SLCO5A1: variants seen among roughly 807,000 people sequenced by gnomAD.
SLCO5A1 encodes the protein solute carrier organic anion transporter family member 5A1.
In SLCO5A1, 39 loss-of-function variants were observed where a neutral mutation model predicts 65.1. The observed-to-expected ratio is 0.60, with a 90% CI of 0.46 to 0.78. The LOEUF (loss-of-function observed/expected upper bound fraction) is 0.78, where lower values mean the gene tolerates loss of function less well. Among genes scored for constraint, SLCO5A1 ranks in the 30% least tolerant of loss-of-function variants. The pLI is 0.00. For missense variants in SLCO5A1, 1,029 were observed against 1,069.4 expected (o/e 0.96, Z 0.53); for synonymous variants, 438 against 415.7 (o/e 1.05, Z -0.65).
intron 4 of SLCO5A1, among the ~76,000 whole-genome samples, chr8:69,744,804 G>A (rs1455322405): frequency 1.3e-5 from 2 of 152,198 alleles, no homozygotes; most frequent in Non-Finnish European, 2.9e-5. Flanking sequence ...CTCCTGGGGA[G>A]CAGGTTAAGA....
chr8:69,759,482 G>C (rs1333300811), intron 3 of SLCO5A1, among the ~76,000 whole-genome samples: 3 of 152,064 alleles, frequency 2.0e-5, no homozygotes, highest in South Asian at 4.1e-4. Flanking sequence ...TCCTCACAAT[G>C]ACCCTATGAT....
At chr8:69,816,681 C>T (rs1820424188) in intron 2 of SLCO5A1, among the ~76,000 whole-genome samples, 3 of 152,206 alleles carry the variant, frequency 2.0e-5, no homozygotes, top group African/African-American at 7.2e-5. Flanking sequence ...TCCCTGAAGG[C>T]TTTAATCTTA....
chr8:69,810,120 C>T (rs1034105001), intron 2 of SLCO5A1, among the ~76,000 whole-genome samples: 7 of 152,096 alleles, frequency 4.6e-5, no homozygotes, highest in African/African-American at 1.4e-4. Context: ...TGCCCCAGGC[C>T]CAGGTGGGGG....
Position 69,819,235 on chromosome 8 carries a change from A to G in SLCO5A1, c.907+12532T>C, listed in dbSNP as rs549764191. ...TTGGAATAAACCGGGCATGCTCAGC[A>G]CAGCTCCTCTTTTTTGCCTCTTGGG... On this transcript the variant is annotated intron_variant, in intron 2 of 9. Transcript: ENST00000260126. 6.6e-5 allele frequency among the ~76,000 whole-genome samples: 10 copies of G among 152,062 alleles called. No individual in the cohort carries two copies. The South Asian group carries it at 2.1e-3, about 32-fold the overall frequency.
At chr8:69,829,852 C>T (rs531356082) in intron 2 of SLCO5A1, among the ~76,000 whole-genome samples, 1 of 152,284 alleles carries the variant, frequency 6.6e-6, no homozygotes, top group South Asian at 2.1e-4. Context: ...TCTGCAATTA[C>T]TTTTAGAAGG....
At chr8:69,774,465 A>G (rs1331373210) in intron 2 of SLCO5A1, among the ~76,000 whole-genome samples, 1 of 152,096 alleles carries the variant, frequency 6.6e-6, no homozygotes, top group East Asian at 1.9e-4. Flanking sequence ...CTGTTCCCTC[A>G]TTTGAACTCG....
Position 69,832,413 on chromosome 8 carries a change from G to A in SLCO5A1, c.261C>T (p.Ser87=), listed in dbSNP as rs769043856. 1.9e-6 allele frequency: 3 copies of A among 1,612,502 alleles called. No individual in the cohort carries two copies. The highest frequency in any genetic ancestry group is 2.5e-6 in the Non-Finnish European group (3 of 1,179,438). The change falls in exon 2 of 10, where the codon TCC becomes TCT. Residue 87 remains serine, a synonymous_variant. Transcript: ENST00000260126. This position sits in a 1 kb window ranked among gnomAD's most constrained non-coding sequence, Gnocchi z 4.5. ...TACAGTCCCCGAGCCCCGCCGAAGT[G>A]GACGGGGCAGAGGGACTGGGGGCCA... ...NPLAPSPSAP[S]TSAGLGDCNH... is the part of the protein sequence containing the mutation.
At chr8:69,716,499 T>C (rs1203276625) in intron 5 of SLCO5A1, among the ~76,000 whole-genome samples, 1 of 152,240 alleles carries the variant, frequency 6.6e-6, no homozygotes. Context: ...TCACAGATAA[T>C]AGTTGATTTT....
intron 4 of SLCO5A1, among the ~76,000 whole-genome samples, chr8:69,750,431 T>C (rs1450358336): frequency 6.6e-6 from 1 of 152,020 alleles, no homozygotes; most frequent in Non-Finnish European, 1.5e-5. Context: ...AACCTCCCCA[T>C]TCCCCGTTAG....
chr8:69,676,587 A>G, intron 9 of SLCO5A1, 22 bp downstream of exon 9: 1 of 1,607,662 alleles, frequency 6.2e-7, no homozygotes, highest in South Asian at 1.1e-5. Context: ...TAAGAGGTAC[A>G]CTTGGAAATT....
intron 6 of SLCO5A1, among the ~76,000 whole-genome samples, chr8:69,693,180 G>A (rs1375441201): frequency 6.6e-6 from 1 of 152,220 alleles, no homozygotes. Context: ...TGTGATGCAT[G>A]AACATACCAC....
intron 2 of SLCO5A1, among the ~76,000 whole-genome samples, chr8:69,800,933 C>T (rs1226676066): frequency 6.6e-6 from 1 of 152,188 alleles, no homozygotes; most frequent in Non-Finnish European, 1.5e-5. Flanking sequence ...CCAAAGGTGC[C>T]AGAAAGTACA....
At chr8:69,834,456 C>T (rs942698383) in intron 1 of SLCO5A1, among the ~76,000 whole-genome samples, 4 of 152,230 alleles carry the variant, frequency 2.6e-5, no homozygotes, top group African/African-American at 9.6e-5. Context: ...AAACCCGCTC[C>T]CAGATTCCCG....
intron 2 of SLCO5A1, among the ~76,000 whole-genome samples, chr8:69,792,027 T>C (rs1819292276): frequency 6.6e-6 from 1 of 152,246 alleles, no homozygotes; most frequent in Non-Finnish European, 1.5e-5. Flanking sequence ...ATATTAGATA[T>C]ATTAATCCAT....
chr8:69,769,323 A>G (rs201601036), intron 2 of SLCO5A1, among the ~76,000 whole-genome samples: 3,930 of 90,216 alleles, frequency 0.044, 74 homozygotes, highest in Non-Finnish European at 0.057. Context: ...GGTTAGACAG[A>G]CTTCAGACTT....
intron 2 of SLCO5A1, among the ~76,000 whole-genome samples, chr8:69,806,169 T>C (rs140080754): frequency 1.9e-4 from 29 of 152,350 alleles, no homozygotes; most frequent in African/African-American, 6.5e-4. Flanking sequence ...TCTAGGGTTT[T>C]TGATATCAGA....
chr8:69,718,840 T>G (rs1586722238), intron 5 of SLCO5A1, among the ~76,000 whole-genome samples: 1 of 152,010 alleles, frequency 6.6e-6, no homozygotes, highest in South Asian at 2.1e-4. Flanking sequence ...TTAAGCAAAT[T>G]GTACAGAATG....
intron 2 of SLCO5A1, among the ~76,000 whole-genome samples, chr8:69,821,535 G>A (rs115434676): frequency 0.016 from 2,477 of 152,094 alleles, 73 homozygotes; most frequent in African/African-American, 0.057. Context: ...TAGACCAGGC[G>A]CAGTGGCTCA....
At chr8:69,736,439 C>T (rs1007351194) in intron 5 of SLCO5A1, among the ~76,000 whole-genome samples, 2 of 152,248 alleles carry the variant, frequency 1.3e-5, no homozygotes, top group Non-Finnish European at 2.9e-5. Flanking sequence ...TACTCTCCCA[C>T]TAACCCTGGG....
Sources: allele counts gnomAD v4.1 joint callset (sites outside exome capture counted in the v4.1 genomes callset), GRCh38; gene constraint gnomAD v4.1.1; non-coding constraint Gnocchi (gnomAD v3.1); transcripts MANE v1.5; gene names NCBI Gene and HGNC (gene_info 2026-07-23, HGNC 2026-07-21).